The following CNTNAP2 variants were observed in gnomAD, a reference collection of about 807,000 sequenced individuals.
The protein encoded by CNTNAP2 is contactin associated protein 2.
A neutral mutation model predicts 155.2 loss-of-function variants in CNTNAP2; 98 were observed. The ratio of observed to expected loss-of-function variants is 0.63; its 90% CI spans 0.54 to 0.75. The LOEUF (loss-of-function observed/expected upper bound fraction) is 0.75. CNTNAP2 is among the 30% of genes least tolerant of loss of function. CNTNAP2 has a pLI of 0.00. For synonymous variants in CNTNAP2, 651 were observed against 631.2 expected (o/e 1.03, Z -0.47); for missense variants, 1,727 against 1,688.1 (o/e 1.02, Z -0.40).
chr7:147,042,655 T>A (rs533810449), intron 3 of CNTNAP2, among the ~76,000 whole-genome samples: 1 of 152,182 alleles, frequency 6.6e-6, no homozygotes, highest in South Asian at 2.1e-4. Flanking sequence ...TGGTTTTAGA[T>A]AGAAGCAAAT....
intron 1 of CNTNAP2, among the ~76,000 whole-genome samples, chr7:146,715,860 G>A (rs1410028180): frequency 6.6e-6 from 1 of 152,116 alleles, no homozygotes; most frequent in Non-Finnish European, 1.5e-5. Flanking sequence ...TCTATGTCAT[G>A]TTCATCTCCT....
At chr7:148,103,462 G>T (rs781064029) in intron 15 of CNTNAP2, among the ~76,000 whole-genome samples, 6 of 151,990 alleles carry the variant, frequency 3.9e-5, no homozygotes, top group Non-Finnish European at 7.4e-5. Flanking sequence ...CTGCATACTG[G>T]ATATTACTTC....
intron 13 of CNTNAP2, among the ~76,000 whole-genome samples, chr7:147,641,059 C>T (rs1339491931): frequency 6.6e-6 from 1 of 152,180 alleles, no homozygotes; most frequent in African/African-American, 2.4e-5. Context: ...GGGCAGGAAT[C>T]GCCATGTTTG....
intron 21 of CNTNAP2, among the ~76,000 whole-genome samples, chr7:148,340,679 C>A (rs1798213971): frequency 6.6e-6 from 1 of 152,200 alleles, no homozygotes; most frequent in South Asian, 2.1e-4. Context: ...CTTCCACATA[C>A]CCTATTGATT....
At chr7:146,308,482 A>G (rs1356803790) in intron 1 of CNTNAP2, among the ~76,000 whole-genome samples, 1 of 152,180 alleles carries the variant, frequency 6.6e-6, no homozygotes, top group Admixed American at 6.5e-5. Context: ...TACTGCGCAT[A>G]TACCCAAAAG....
At chr7:146,189,020 A>G (rs1798664867) in intron 1 of CNTNAP2, among the ~76,000 whole-genome samples, 1 of 152,210 alleles carries the variant, frequency 6.6e-6, no homozygotes, top group South Asian at 2.1e-4. Flanking sequence ...TGTTATAGTA[A>G]TTATGAATTT....
At chr7:147,744,269 G>T (rs1041833331) in intron 13 of CNTNAP2, among the ~76,000 whole-genome samples, 5 of 152,100 alleles carry the variant, frequency 3.3e-5, no homozygotes, top group Non-Finnish European at 7.3e-5. Context: ...TGAGCCATCT[G>T]CCCCTTTTTA....
chr7:147,758,984 C>T (rs1039658833), intron 13 of CNTNAP2, among the ~76,000 whole-genome samples: 9 of 152,026 alleles, frequency 5.9e-5, no homozygotes, highest in South Asian at 2.1e-4. Context: ...CTTAGTTTCC[C>T]GTTCAATCTC....
At chr7:147,417,176 G>A (rs992873909) in intron 10 of CNTNAP2, among the ~76,000 whole-genome samples, 2 of 151,882 alleles carry the variant, frequency 1.3e-5, no homozygotes, top group Non-Finnish European at 2.9e-5. Flanking sequence ...CCACGGTTAT[G>A]TATCACAGAG....
chr7:146,827,811 G>A (rs1015776819), intron 2 of CNTNAP2, among the ~76,000 whole-genome samples: 61 of 152,002 alleles, frequency 4.0e-4, no homozygotes, highest in African/African-American at 1.4e-3. Context: ...AGAGATTCTA[G>A]GGAATACATA....
At chr7:147,281,803 C>T (rs2116727392) in intron 8 of CNTNAP2, among the ~76,000 whole-genome samples, 1 of 151,900 alleles carries the variant, frequency 6.6e-6, no homozygotes, top group Admixed American at 6.6e-5. Context: ...TCACCTGATT[C>T]TTTAGATAAT....
At chr7:148,237,126 C>T (rs1225712485) in intron 20 of CNTNAP2, among the ~76,000 whole-genome samples, 2 of 152,208 alleles carry the variant, frequency 1.3e-5, no homozygotes, top group African/African-American at 4.8e-5. Flanking sequence ...GCCAATGCTA[C>T]ATGTGTTAGG....
In CNTNAP2 at chr7:148,217,422, G is replaced by A. The variant is rs1295219397; in HGVS notation, c.3145G>A (p.Glu1049Lys). 3 of 1,614,148 alleles carry A rather than the reference G, an allele frequency of 1.9e-6. No homozygotes were observed. Among genetic ancestry groups the A allele is most frequent in the Non-Finnish European group, 2.5e-6 (3 of 1,180,034 alleles). ...GAACTCCCACCCGGACCTGGCACAG[G>A]AGGAGATCCGCTTCAGCTTCAGCAC... ...QQNSHPDLAQ[E>K]EIRFSFSTTK... is the part of the protein sequence containing the mutation. The change falls in exon 19 of 24, where the codon GAG becomes AAG. Residue 1049 changes from glutamate to lysine, a missense_variant. By Grantham distance (56) the Glu-to-Lys change is moderately conservative. Coordinates refer to ENST00000361727, the MANE Select transcript of CNTNAP2 (RefSeq NM_014141.6).
chr7:147,650,447 C>T (rs767820918), intron 13 of CNTNAP2, among the ~76,000 whole-genome samples: 10 of 152,128 alleles, frequency 6.6e-5, no homozygotes, highest in African/African-American at 1.9e-4. Flanking sequence ...TCTGAGACAG[C>T]AAGACCAACC....
rs1418970615 is a variant in CNTNAP2, at chr7:148,379,041, G to T, written c.3476-4608G>T. Among the ~76,000 whole-genome samples the T allele has an allele frequency of 3.0e-5, 2 of 66,848 alleles. 1 individual carries two copies. The highest frequency in any genetic ancestry group is 8.3e-5 in the Non-Finnish European group (2 of 23,986). 43.9% of individuals were successfully genotyped at this position (66,848 alleles called of 152,430 possible). ...GCAGAGCAACCATATGCTGTGTCAG[G>T]GCTGGAACCAGGTTTGGCCATCTGT... On this transcript the variant is annotated intron_variant, in intron 21 of 23. Coordinates refer to ENST00000361727, the MANE Select transcript of CNTNAP2 (RefSeq NM_014141.6).
At chr7:148,035,456 C>T (rs776486794) in intron 15 of CNTNAP2, among the ~76,000 whole-genome samples, 1 of 152,166 alleles carries the variant, frequency 6.6e-6, no homozygotes, top group Admixed American at 6.5e-5. Flanking sequence ...TAGCAGTCCT[C>T]GACCACTCCA....
intron 13 of CNTNAP2, among the ~76,000 whole-genome samples, chr7:147,756,953 G>T (rs1797220827): frequency 6.6e-6 from 1 of 152,168 alleles, no homozygotes; most frequent in African/African-American, 2.4e-5. Flanking sequence ...GACTTGGAGG[G>T]AGGAAGATGA....
intron 2 of CNTNAP2, among the ~76,000 whole-genome samples, chr7:146,780,331 G>A (rs555229311): frequency 1.2e-4 from 18 of 151,902 alleles, no homozygotes; most frequent in Non-Finnish European, 2.4e-4. Flanking sequence ...GACTGCAGGC[G>A]CCCGCCACCA....
chr7:147,550,189 T>A (rs923112811), intron 11 of CNTNAP2, among the ~76,000 whole-genome samples: 1 of 152,182 alleles, frequency 6.6e-6, no homozygotes, highest in Non-Finnish European at 1.5e-5. Context: ...TTGTTAATTA[T>A]TTTTCAGTGG....
Sources: allele counts gnomAD v4.1 joint callset (sites outside exome capture counted in the v4.1 genomes callset), GRCh38; gene constraint gnomAD v4.1.1; transcripts MANE v1.5; gene names NCBI Gene and HGNC (gene_info 2026-07-23, HGNC 2026-07-21).